Variants in GAB3 observed in about 807,000 individuals in gnomAD.
The protein encoded by GAB3 is GRB2-associated-binding protein 3.
Under a neutral mutation model 40.4 loss-of-function variants are expected in GAB3, and 12 were observed. The ratio of observed to expected loss-of-function variants is 0.30; its 90% CI spans 0.19 to 0.48. The LOEUF (loss-of-function observed/expected upper bound fraction) is 0.48. Among genes scored for constraint, GAB3 ranks in the 20% least tolerant of loss-of-function variants. GAB3 has a pLI of 0.99. For missense variants in GAB3, 381 were observed against 461.9 expected (o/e 0.82, Z 1.61); for synonymous variants, 154 against 176.7 (o/e 0.87, Z 1.02).
chrX:154,713,204 T>C lies in GAB3; in HGVS notation c.596+3A>G, dbSNP rs2070981694. 8.3e-6 allele frequency: 10 copies of C among 1,201,807 alleles called. No homozygotes were observed. Among genetic ancestry groups the C allele is most frequent in the African/African-American group, 1.8e-5 (1 of 56,933 alleles). ...TCAGACAGAGTCCTGGGCATAAGCA[T>C]ACCTGGTATGGTGCAGTCTTCCAGT... On this transcript the variant is annotated splice_donor_region_variant and intron_variant, in intron 3 of 9. Transcript: ENST00000424127.
At chrX:154,693,413 C>G (rs1557249874) in intron 8 of GAB3, among the ~76,000 whole-genome samples, 2 of 111,835 alleles carry the variant, frequency 1.8e-5, no homozygotes, top group African/African-American at 6.5e-5. Context: ...CACTGCTCAG[C>G]AATAAAATGG....
At chrX:154,721,486 T>G (rs1603426777) in intron 1 of GAB3, among the ~76,000 whole-genome samples, 1 of 111,335 alleles carries the variant, frequency 9.0e-6, no homozygotes, top group African/African-American at 3.3e-5. Context: ...ACCCACTCTC[T>G]TGATAACAAA....
intron 4 of GAB3, among the ~76,000 whole-genome samples, chrX:154,711,392 C>T (rs1351817585): frequency 9.0e-6 from 1 of 111,402 alleles, no homozygotes; most frequent in East Asian, 2.8e-4. Context: ...GGTGGCTCAG[C>T]AAAGCAGTAA....
Position 154,680,300 on chromosome X carries a change from C to G in GAB3, c.1531-52G>C, listed in dbSNP as rs1460364422. ...GTTAATGATGTCTATCTTGGTTGCT[C>G]AAGGGAAGGAGGGCAAGTTGTGGCT... On this transcript the variant is annotated intron_variant, in intron 8 of 9. Transcript: ENST00000424127. 1.1e-5 allele frequency: 10 copies of G among 926,629 alleles called. No individual in the cohort carries two copies. The highest frequency in any genetic ancestry group is 9.4e-5 in the Admixed American group (4 of 42,399). 76.4% of individuals were successfully genotyped at this position (926,629 alleles called of 1,213,427 possible).
At chrX:154,716,689 TG>T (rs139266797) in intron 1 of GAB3, among the ~76,000 whole-genome samples, 150 of 112,610 alleles carry the variant, frequency 1.3e-3, no homozygotes, top group Admixed American at 4.1e-3. Flanking sequence ...CTTACTATTA[TG>T]TATCTCAGTT....
chrX:154,750,434 C>T (rs1386415794), intron 1 of GAB3, among the ~76,000 whole-genome samples: 1 of 112,309 alleles, frequency 8.9e-6, no homozygotes, highest in Admixed American at 9.3e-5. Context: ...CGATGAGAAA[C>T]GAGTTACACT....
Position 154,695,954 on chromosome X carries a change from G to A in GAB3, c.1493C>T (p.Pro498Leu). ...GCTTTCTTCGTCTTCTCTGGAAACAGGATTAGCAAAAAATCTTGCAGAATT... is the reference window on the plus strand; with the variant it reads ...GCTTTCTTCGTCTTCTCTGGAAACAAGATTAGCAAAAAATCTTGCAGAATT... ...GINSARFFAN[P>L]VSREDEESYI... The change falls in exon 8 of 10, where the codon CCT (proline) becomes CTT (leucine). Residue 498 changes from proline to leucine, a missense_variant. Physicochemically the swap from Pro to Leu is moderately conservative, Grantham distance 98. Coordinates refer to ENST00000424127, the MANE Select transcript of GAB3 (RefSeq NM_001081573.3). The A allele has an allele frequency of 8.4e-7, 1 of 1,196,940 alleles. No homozygotes were observed. The highest frequency in any genetic ancestry group is 1.8e-5 in the South Asian group (1 of 56,066).
intron 1 of GAB3, among the ~76,000 whole-genome samples, chrX:154,724,958 T>C (rs2071192182): frequency 9.0e-6 from 1 of 111,233 alleles, no homozygotes; most frequent in South Asian, 3.8e-4. Flanking sequence ...TATAAACTTA[T>C]ATGGAAATAG....
Position 154,712,210 on chromosome X carries a change from C to T in GAB3, c.1069+19G>A. On this transcript the variant is annotated intron_variant, in intron 4 of 9. Transcript: ENST00000424127. The stretch of plus-strand genomic sequence containing the variant: ...GCCCGGGTTTTCTTGGCGCCTGAAT[C>T]TTAGGACCCAACACTTACCTTTCCA... The T allele has an allele frequency of 2.7e-6, 3 of 1,128,270 alleles. No individual in the cohort carries two copies. The East Asian group carries it at 9.0e-5, about 34-fold the overall frequency. The allele number at this position is 1,128,270 out of a possible 1,213,427, so 93.0% of individuals were successfully genotyped here.
intron 1 of GAB3, among the ~76,000 whole-genome samples, chrX:154,734,137 A>G (rs1236187368): frequency 1.8e-5 from 2 of 112,784 alleles, no homozygotes; most frequent in African/African-American, 6.4e-5. Flanking sequence ...ACTAAAAGCC[A>G]CAATGTAACA....
At chrX:154,742,225 C>T (rs1557261404) in intron 1 of GAB3, among the ~76,000 whole-genome samples, 1 of 111,958 alleles carries the variant, frequency 8.9e-6, no homozygotes, top group Non-Finnish European at 1.9e-5. Context: ...CAACATATCA[C>T]CAGAATTTGT....
At chrX:154,709,478 A>C (rs1557254954) in intron 4 of GAB3, among the ~76,000 whole-genome samples, 34 of 108,927 alleles carry the variant, frequency 3.1e-4, no homozygotes, top group African/African-American at 1.0e-4. Flanking sequence ...CCGCCACCAC[A>C]CTGGGTAATT....
chrX:154,725,204 C>T (rs2071195550), intron 1 of GAB3, among the ~76,000 whole-genome samples: 1 of 111,308 alleles, frequency 9.0e-6, no homozygotes, highest in Non-Finnish European at 1.9e-5. Flanking sequence ...AACTGTGAGA[C>T]TATAATGACC....
chrX:154,730,021 T>C (rs1237274040), intron 1 of GAB3, among the ~76,000 whole-genome samples: 1 of 112,509 alleles, frequency 8.9e-6, no homozygotes, highest in Non-Finnish European at 1.9e-5. Flanking sequence ...AGCTGGTTGC[T>C]CCTGCCACGC....
At chrX:154,710,769 T>C (rs782230451) in intron 4 of GAB3, among the ~76,000 whole-genome samples, 1 of 112,613 alleles carries the variant, frequency 8.9e-6, no homozygotes, top group East Asian at 2.8e-4. Context: ...TTTTACTTAG[T>C]TTTAATCTTT....
intron 4 of GAB3, among the ~76,000 whole-genome samples, chrX:154,709,041 T>C (rs367846192): frequency 1.8e-5 from 2 of 111,395 alleles, no homozygotes; most frequent in African/African-American, 6.5e-5. Context: ...GATTGGATCA[T>C]GGGGGTGGTT....
At chrX:154,733,424 C>T (rs2071320966) in intron 1 of GAB3, among the ~76,000 whole-genome samples, 1 of 112,106 alleles carries the variant, frequency 8.9e-6, no homozygotes, top group Non-Finnish European at 1.9e-5. Flanking sequence ...TTGCTTGCCT[C>T]GTATGATGTG....
chrX:154,739,396 TA>T (rs2071405931), intron 1 of GAB3, among the ~76,000 whole-genome samples: 1 of 111,507 alleles, frequency 9.0e-6, no homozygotes, highest in Non-Finnish European at 1.9e-5. Context: ...AATTCAGCCA[TA>T]AAAAAGAATG....
intron 8 of GAB3, among the ~76,000 whole-genome samples, chrX:154,683,989 T>A (rs921498485): frequency 1.8e-5 from 2 of 111,932 alleles, no homozygotes; most frequent in African/African-American, 3.2e-5. Context: ...TTATTATATA[T>A]TATACTACAT....
Sources: allele counts gnomAD v4.1 joint callset (sites outside exome capture counted in the v4.1 genomes callset), GRCh38; gene constraint gnomAD v4.1.1; transcripts MANE v1.5; gene names NCBI Gene and HGNC (gene_info 2026-07-23, HGNC 2026-07-21).